The following GBP6 variants were observed in gnomAD, a reference collection of about 807,000 sequenced individuals.
GBP6 encodes the protein guanylate binding protein family member 6.
Under a neutral mutation model 61.5 loss-of-function variants are expected in GBP6, and 54 were observed. That is an observed-to-expected ratio of 0.88 (90% CI 0.71 to 1.10). The LOEUF is 1.10. Ranked by LOEUF, GBP6 falls within the 50% of genes least tolerant of loss-of-function variation. The pLI, the probability that GBP6 is intolerant of heterozygous loss-of-function variation, is 0.00. For synonymous variants in GBP6, 255 were observed against 273.7 expected, an observed-to-expected ratio of 0.93 and a Z score of 0.67; for missense variants, 748 against 752.8, an observed-to-expected ratio of 0.99 and a Z score of 0.07.
intron 5 of GBP6, 29 bp from the exon 6 acceptor site, chr1:89,380,357 T>A: frequency 6.6e-7 from 1 of 1,525,202 alleles, no homozygotes; most frequent in Admixed American, 2.0e-5. Flanking sequence ...CTGTTTTCAC[T>A]ATATTCTCTG....
At chr1:89,376,022 A>G (rs1033706133) in intron 3 of GBP6, among the ~76,000 whole-genome samples, 1 of 152,046 alleles carries the variant, frequency 6.6e-6, no homozygotes, top group Admixed American at 6.6e-5. Flanking sequence ...ACTCTTTTAG[A>G]TTTCACATAT....
intron 1 of GBP6, among the ~76,000 whole-genome samples, chr1:89,364,622 T>TGTGC (rs2100653730): frequency 1.5e-5 from 2 of 129,720 alleles, no homozygotes; most frequent in African/African-American, 5.8e-5. Flanking sequence ...AAACTCTGTG[T>TGTGC]GTGCGTGTGT....
chr1:89,368,671 G>T lies in GBP6; in HGVS notation c.120G>T (p.Val40=), dbSNP rs1652531483. ...ILEKISQPVV[V]VAIVGLYRTG... ...AAAAGATTTCTCAGCCAGTGGTGGT[G>T]GTGGCCATTGTAGGACTGTACCGTA... The change falls in exon 2 of 11, where the codon GTG becomes GTT. Residue 40 remains valine, a synonymous_variant. Coordinates refer to ENST00000370456, the MANE Select transcript of GBP6 (RefSeq NM_198460.3). 4 of 1,614,178 alleles carry T rather than the reference G, an allele frequency of 2.5e-6. No homozygotes were observed. The highest frequency in any genetic ancestry group is 3.4e-6 in the Non-Finnish European group (4 of 1,180,008).
At chr1:89,379,842 A>G (rs1455793847) in intron 5 of GBP6, among the ~76,000 whole-genome samples, 10 of 152,264 alleles carry the variant, frequency 6.6e-5, no homozygotes, top group Admixed American at 6.5e-4. Context: ...TGATTATCTT[A>G]AAACTACCTT....
In GBP6 at chr1:89,378,137, T is replaced by G. The variant is rs1215488566; in HGVS notation, c.353T>G (p.Leu118Arg). The change falls in exon 4 of 11, where the codon CTG (leucine) becomes CGG (arginine). Residue 118 changes from leucine (L) to arginine (R), a missense_variant. Physicochemically the swap from Leu to Arg is moderately radical, Grantham distance 102. Coordinates refer to ENST00000370456, the MANE Select transcript of GBP6 (RefSeq NM_198460.3). ...AAGAATGACTCCTGGATCTTTGCCC[T>G]GGCTGTGCTCCTGTGCAGCACCTTT... ...DPKNDSWIFA[L>R]AVLLCSTFVY... 1.9e-6 allele frequency: 3 copies of G among 1,613,284 alleles called. No individual in the cohort carries two copies. Among genetic ancestry groups the G allele is most frequent in the Non-Finnish European group, 1.7e-6 (2 of 1,179,802 alleles).
chr1:89,382,539 C>T (rs1336881314), intron 7 of GBP6, 125 bp from the exon 8 acceptor site: 3 of 724,230 alleles, frequency 4.1e-6, no homozygotes, highest in Admixed American at 4.7e-5. Context: ...TCTGATTCCA[C>T]ATCTACTCCA....
In GBP6 at chr1:89,382,758, G is replaced by C; in HGVS notation, c.1247G>C (p.Gly416Ala). The change falls in exon 8 of 11, where the codon GGA becomes GCA. Residue 416 changes from glycine (G) to alanine (A), a missense_variant. Physicochemically the swap from Gly to Ala is moderately conservative, Grantham distance 60. Coordinates refer to ENST00000370456, the MANE Select transcript of GBP6 (RefSeq NM_198460.3). ...CQAKLNELSK[G>A]LMESISAGSF... ...GCTAAACTCAATGAGCTCTCAAAGG[G>C]ACTAATGGAAAGTATCTCAGCAGGA... The C allele has an allele frequency of 6.2e-7, 1 of 1,614,026 alleles. No homozygotes were observed. The highest frequency in any genetic ancestry group is 8.5e-7 in the Non-Finnish European group (1 of 1,179,896).
In GBP6 at chr1:89,378,155, G is replaced by A. The variant is rs754297296; in HGVS notation, c.371G>A (p.Ser124Asn). ...TTTGCCCTGGCTGTGCTCCTGTGCA[G>A]CACCTTTGTCTACAACAGCATGAGC... is the stretch of plus-strand genomic sequence containing the variant. Reference protein sequence around the residue: ...WIFALAVLLCSTFVYNSMSTI... With the variant: ...WIFALAVLLCNTFVYNSMSTI... Residue 124 changes from serine (S) to asparagine (N), a missense_variant, in exon 4 of 11, where the codon AGC becomes AAC. Ser to Asn is a conservative substitution (Grantham distance 46). Coordinates refer to ENST00000370456, the MANE Select transcript of GBP6 (RefSeq NM_198460.3). The A allele has an allele frequency of 1.9e-6, 3 of 1,613,110 alleles. No individual in the cohort carries two copies. The highest frequency in any genetic ancestry group is 2.5e-6 in the Non-Finnish European group (3 of 1,179,776).
Position 89,369,821 on chromosome 1 carries a change from T to A in GBP6, c.318+148T>A, listed in dbSNP as rs542590278. The A allele has an allele frequency of 2.3e-5, 20 of 885,596 alleles. No homozygotes were observed. The African/African-American group carries it at 3.2e-4, about 14-fold the overall frequency. The allele number at this position is 885,596 out of a possible 1,614,324, so 54.9% of individuals were successfully genotyped here. On this transcript the variant is annotated intron_variant, in intron 3 of 10. Transcript: ENST00000370456. ...GTTTGAATCACACTTCTAGACAAGG[T>A]TAGATATCATGGTATATTAGGTAAA...
At chr1:89,381,997 G>C (rs200718873) in intron 7 of GBP6, 23 bp downstream of exon 7, 313 of 1,574,438 alleles carry the variant, frequency 2.0e-4, no homozygotes, top group Non-Finnish European at 2.6e-4. Context: ...AGTCATTACT[G>C]TTCATCATCC....
chr1:89,381,952 A>G lies in GBP6; in HGVS notation c.1130A>G (p.Gln377Arg). ...FMEHSFKDEN[Q>R]EFQKKFMETT... is the part of the protein sequence containing the mutation. ...GAGCACTCCTTCAAGGATGAAAATC[A>G]GGAATTCCAGAAGAAGTTCATGGTA... The change falls in exon 7 of 11, where the codon CAG (glutamine) becomes CGG (arginine). Residue 377 changes from glutamine (Q) to arginine (R), a missense_variant. By Grantham distance (43) the Gln-to-Arg change is conservative. Coordinates refer to ENST00000370456, the MANE Select transcript of GBP6 (RefSeq NM_198460.3). 6.2e-7 allele frequency: 1 copy of G among 1,609,956 alleles called. No homozygotes were observed. The highest frequency in any genetic ancestry group is 1.7e-4 in the Middle Eastern group (1 of 6,028).
chr1:89,383,939 TCA>T (rs1653060235), intron 9 of GBP6, among the ~76,000 whole-genome samples, 152 bp from the exon 10 acceptor site: 1 of 152,220 alleles, frequency 6.6e-6, no homozygotes, highest in South Asian at 2.1e-4. Context: ...GCCTTTCCCA[TCA>T]CATTCTCAAA....
intron 3 of GBP6, among the ~76,000 whole-genome samples, chr1:89,372,304 G>GA (rs143569320): frequency 0.43 from 65,237 of 151,718 alleles, 14,183 homozygotes; most frequent in Admixed American, 0.53. Flanking sequence ...CAGAGAATTG[G>GA]AAAAACTACT....
rs1409041136 is a variant in GBP6 at position 89,387,357 on chromosome 1, A to G, written c.*1888A>G. Among the ~76,000 whole-genome samples, 2 of 152,212 alleles carry G rather than the reference A, an allele frequency of 1.3e-5. No homozygotes were observed. The highest frequency in any genetic ancestry group is 4.8e-5 in the African/African-American group (2 of 41,460). On this transcript the variant is annotated 3_prime_UTR_variant, in exon 11 of 11. Coordinates refer to ENST00000370456, the MANE Select transcript of GBP6 (RefSeq NM_198460.3). Reference sequence around the variant, plus strand: ...GTTAAAATAGGGAATTAGGGCCTCCAGGTTGTAATTATAGTCTTGGCACAC... The same window carrying G: ...GTTAAAATAGGGAATTAGGGCCTCCGGGTTGTAATTATAGTCTTGGCACAC...
chr1:89,381,923 C>T lies in GBP6; in HGVS notation c.1101C>T (p.Phe367=). The change falls in exon 7 of 11, where the codon TTC becomes TTT. Residue 367 remains phenylalanine, a synonymous_variant. Coordinates refer to ENST00000370456, the MANE Select transcript of GBP6 (RefSeq NM_198460.3). ...GTGAGAGGGAAGCCATTGCAATCTT[C>T]ATGGAGCACTCCTTCAAGGATGAAA... ...AACEREAIAI[F]MEHSFKDENQ... 6.2e-7 allele frequency: 1 copy of T among 1,614,002 alleles called. No individual in the cohort carries two copies. The highest frequency in any genetic ancestry group is 1.1e-5 in the South Asian group (1 of 91,074).
chr1:89,385,093 T>A, intron 10 of GBP6, 137 bp from the exon 11 acceptor site: 1 of 742,128 alleles, frequency 1.3e-6, no homozygotes, highest in Non-Finnish European at 2.1e-6. Flanking sequence ...AATGTCTAGG[T>A]CCAAATTCTC....
rs149263534 is a variant in GBP6 at position 89,382,875 on chromosome 1, A to G, written c.1364A>G (p.Lys455Arg). 5.8e-5 allele frequency: 93 copies of G among 1,608,086 alleles called. No homozygotes were observed. The African/African-American group carries it at 1.1e-3, about 20-fold the overall frequency. ...DYWQVPRKGV[K>R]AKEVFQRFLE... is the part of the protein sequence containing the mutation. ...TGGCAAGTTCCCAGGAAAGGAGTAA[A>G]GGTAAGGAATAAGGGGAGCATGGGG... is the stretch of plus-strand genomic sequence containing the variant. The change falls in exon 8 of 11, where the codon AAG (lysine) becomes AGG (arginine). Residue 455 changes from lysine (K) to arginine (R), a missense_variant and splice_region_variant. Physicochemically the swap from Lys to Arg is conservative, Grantham distance 26. Coordinates refer to ENST00000370456, the MANE Select transcript of GBP6 (RefSeq NM_198460.3).
intron 8 of GBP6, 70 bp from the exon 9 acceptor site, chr1:89,383,582 G>A: frequency 8.9e-7 from 1 of 1,122,046 alleles, no homozygotes; most frequent in African/African-American, 1.6e-5. Context: ...GACCATAATT[G>A]TTCTTGCAAC....
At chr1:89,364,606 T>C (rs1652408073) in intron 1 of GBP6, among the ~76,000 whole-genome samples, 1 of 145,238 alleles carries the variant, frequency 6.9e-6, no homozygotes, top group African/African-American at 2.6e-5. Context: ...AATAATTATA[T>C]AGTCCAAACT....
Sources: gnomAD v4.1 joint callset for allele counts (sites outside exome capture counted in the v4.1 genomes callset) on GRCh38, gnomAD v4.1.1 for gene constraint, MANE v1.5 for transcripts, NCBI Gene and HGNC (gene_info 2026-07-23, HGNC 2026-07-21) for gene names.